Variants in NEDD4L observed in about 807,000 individuals in gnomAD.
The protein encoded by NEDD4L is E3 ubiquitin-protein ligase NEDD4-like.
In NEDD4L, 54 loss-of-function variants were observed where a neutral mutation model predicts 148.9. That is an observed-to-expected ratio of 0.36 (90% confidence interval 0.29 to 0.45). The LOEUF (loss-of-function observed/expected upper bound fraction) is 0.45. Ranked by LOEUF, NEDD4L falls within the 20% of genes least tolerant of loss-of-function variation. NEDD4L has a pLI of 1.00. For missense variants in NEDD4L, 856 were observed against 1,233.8 expected (o/e 0.69, Z 4.59); for synonymous variants, 433 against 440.7 (o/e 0.98, Z 0.22).
At chr18:58,220,240 C>G (rs1233423180) in intron 2 of NEDD4L, among the ~76,000 whole-genome samples, 2 of 152,100 alleles carry the variant, frequency 1.3e-5, no homozygotes, top group African/African-American at 4.8e-5. Flanking sequence ...CATGGCAAAA[C>G]CCCAAAAATA....
chr18:58,092,914 G>A (rs994355332), intron 1 of NEDD4L, among the ~76,000 whole-genome samples: 2 of 147,874 alleles, frequency 1.4e-5, no homozygotes, highest in African/African-American at 5.0e-5. Context: ...AGGCTGGAGT[G>A]CAGTGGCATG....
chr18:58,329,106 G>C lies in NEDD4L; in HGVS notation c.792G>C (p.Ser264=). ...HISEDLEPEP[S]EGGDVPEPWE... is the part of the protein sequence containing the mutation. Reference sequence around the variant, plus strand: ...GCGAAGACTTGGAGCCCGAGCCCTCGGAGGGCGGGGATGTCCCCGAGGTAC... The same window carrying C: ...GCGAAGACTTGGAGCCCGAGCCCTCCGAGGGCGGGGATGTCCCCGAGGTAC... The change falls in exon 10 of 31, where the codon TCG becomes TCC. Residue 264 remains serine (S), a synonymous_variant. Transcript: ENST00000400345. 2 of 1,613,962 alleles carry C rather than the reference G, an allele frequency of 1.2e-6. No individual in the cohort carries two copies. Among genetic ancestry groups the C allele is most frequent in the Non-Finnish European group, 1.7e-6 (2 of 1,179,878 alleles).
At chr18:58,185,917 G>A (rs796748191) in intron 2 of NEDD4L, among the ~76,000 whole-genome samples, 2 of 152,038 alleles carry the variant, frequency 1.3e-5, no homozygotes, top group African/African-American at 4.8e-5. Context: ...AAAATAAAAT[G>A]ATGAATGCCT....
chr18:58,141,541 G>A (rs373041399), intron 1 of NEDD4L, among the ~76,000 whole-genome samples: 1 of 151,802 alleles, frequency 6.6e-6, no homozygotes, highest in Non-Finnish European at 1.5e-5. Flanking sequence ...TGGTCTAGTC[G>A]TTCCTACTCC....
At chr18:58,346,096 C>T (rs1239509891) in intron 16 of NEDD4L, among the ~76,000 whole-genome samples, 1 of 152,100 alleles carries the variant, frequency 6.6e-6, no homozygotes, top group East Asian at 1.9e-4. Context: ...GAAAGATTGG[C>T]TTTGTTCCCC....
chr18:58,145,166 A>G (rs2033972436), intron 1 of NEDD4L, among the ~76,000 whole-genome samples: 2 of 152,148 alleles, frequency 1.3e-5, no homozygotes, highest in Admixed American at 6.5e-5. Flanking sequence ...CTCTCCTACC[A>G]GGGCCCCCTC....
At chr18:58,161,744 C>T (rs1158606911) in intron 1 of NEDD4L, among the ~76,000 whole-genome samples, 3 of 152,036 alleles carry the variant, frequency 2.0e-5, no homozygotes, top group Admixed American at 6.5e-5. Context: ...TGGCTCTACT[C>T]CCTTCGTATG....
intron 2 of NEDD4L, among the ~76,000 whole-genome samples, chr18:58,210,120 C>T (rs2042451906): frequency 6.6e-6 from 1 of 152,050 alleles, no homozygotes; most frequent in Non-Finnish European, 1.5e-5. Context: ...GAGCCAAGAG[C>T]ACTCCATTGC....
At chr18:58,048,160 G>A (rs901367278) in intron 1 of NEDD4L, among the ~76,000 whole-genome samples, 2 of 151,956 alleles carry the variant, frequency 1.3e-5, no homozygotes, top group African/African-American at 4.8e-5. Flanking sequence ...CCACATTCTA[G>A]CCTAGTCACA....
intron 2 of NEDD4L, among the ~76,000 whole-genome samples, chr18:58,178,883 T>A (rs143614619): frequency 1.3e-5 from 2 of 152,330 alleles, no homozygotes; most frequent in African/African-American, 4.8e-5. Flanking sequence ...GCGTTCATGG[T>A]AGGAAAGTAG....
At chr18:58,390,829 C>A in intron 29 of NEDD4L, 87 bp downstream of exon 29, 1 of 917,058 alleles carries the variant, frequency 1.1e-6, no homozygotes, top group Non-Finnish European at 1.8e-6. Context: ...GCCGCCAGGC[C>A]TCTGCAGAAG....
At chr18:58,137,895 G>C (rs1222550027) in intron 1 of NEDD4L, among the ~76,000 whole-genome samples, 1 of 152,008 alleles carries the variant, frequency 6.6e-6, no homozygotes, top group Non-Finnish European at 1.5e-5. Context: ...TATTTTATTT[G>C]TAAAGATTCC....
At chr18:58,076,653 A>G (rs1261962744) in intron 1 of NEDD4L, among the ~76,000 whole-genome samples, 1 of 152,046 alleles carries the variant, frequency 6.6e-6, no homozygotes, top group Non-Finnish European at 1.5e-5. Context: ...TGTGTCTTTC[A>G]GCGGGCGGGC....
At chr18:58,052,830 G>T (rs924237259) in intron 1 of NEDD4L, among the ~76,000 whole-genome samples, 5 of 152,170 alleles carry the variant, frequency 3.3e-5, no homozygotes, top group Non-Finnish European at 5.9e-5. Flanking sequence ...GCTGGGCGTC[G>T]TGGCGTGCCC....
At chr18:58,227,931 A>G in intron 2 of NEDD4L, 1 of 799,284 alleles carries the variant, frequency 1.3e-6, no homozygotes, top group Non-Finnish European at 1.5e-6. Flanking sequence ...ATTTCTATCC[A>G]ATTTACCCCA....
intron 5 of NEDD4L, chr18:58,255,387 G>A (rs771218689): frequency 9.1e-6 from 5 of 547,612 alleles, no homozygotes; most frequent in South Asian, 9.7e-5. Context: ...GGGGGAGAGC[G>A]CGGTCATGTG....
At chr18:58,339,440 T>C (rs1437343420) in intron 13 of NEDD4L, among the ~76,000 whole-genome samples, 1 of 152,194 alleles carries the variant, frequency 6.6e-6, no homozygotes, top group African/African-American at 2.4e-5. Context: ...GGCTGCATGC[T>C]AATTCATCGA....
chr18:58,286,292 C>T (rs1308463363), intron 5 of NEDD4L, among the ~76,000 whole-genome samples: 2 of 152,180 alleles, frequency 1.3e-5, no homozygotes, highest in Non-Finnish European at 2.9e-5. Context: ...CCACCCCAGT[C>T]CTCAAGGTTT....
At chr18:58,265,265 A>C (rs963590022) in intron 5 of NEDD4L, among the ~76,000 whole-genome samples, 20 of 152,106 alleles carry the variant, frequency 1.3e-4, no homozygotes, top group African/African-American at 4.6e-4. Flanking sequence ...AGGTTTCAGC[A>C]AATTATTTTT....
Sources: gnomAD v4.1 joint callset for allele counts (sites outside exome capture counted in the v4.1 genomes callset) on GRCh38, gnomAD v4.1.1 for gene constraint, MANE v1.5 for transcripts, NCBI Gene and HGNC (gene_info 2026-07-23, HGNC 2026-07-21) for gene names.